The following GRM1 variants were observed in gnomAD, a reference collection of about 807,000 sequenced individuals.
GRM1 encodes metabotropic glutamate receptor 1.
In GRM1, 33 loss-of-function variants were observed where a neutral mutation model predicts 90.9. The observed-to-expected ratio is 0.36, with a 90% CI of 0.28 to 0.49. GRM1 has a LOEUF of 0.49. Among genes scored for constraint, GRM1 ranks in the 20% least tolerant of loss-of-function variants. The probability of loss-of-function intolerance (pLI) is 0.99; values close to 1 mark genes in which losing one functional copy is unlikely to be tolerated. For missense variants in GRM1, 1,190 were observed against 1,534.3 expected (o/e 0.78, Z 3.75); for synonymous variants, 700 against 613.2 (o/e 1.14, Z -2.09).
intron 1 of GRM1, among the ~76,000 whole-genome samples, chr6:146,126,472 T>C (rs1363168721): frequency 1.3e-5 from 2 of 152,160 alleles, no homozygotes; most frequent in Non-Finnish European, 2.9e-5. Flanking sequence ...ATTATTAATA[T>C]AATTGGTTCA....
intron 1 of GRM1, among the ~76,000 whole-genome samples, chr6:146,093,727 A>T (rs1254796954): frequency 6.6e-6 from 1 of 152,040 alleles, no homozygotes; most frequent in Admixed American, 6.6e-5. Context: ...TCAAACATGC[A>T]TATACAAATC....
At chr6:146,424,905 A>T (rs778891240) in intron 7 of GRM1, among the ~76,000 whole-genome samples, 1 of 152,194 alleles carries the variant, frequency 6.6e-6, no homozygotes, top group Non-Finnish European at 1.5e-5. Flanking sequence ...TTTATTCCTG[A>T]TCATCTCCTT....
intron 2 of GRM1, among the ~76,000 whole-genome samples, chr6:146,202,246 C>T (rs1158464767): frequency 1.3e-5 from 2 of 152,164 alleles, no homozygotes; most frequent in African/African-American, 2.4e-5. Context: ...ACAGTCAGAA[C>T]ATTTTTAGTA....
At chr6:146,290,778 C>T (rs1186060366) in intron 2 of GRM1, among the ~76,000 whole-genome samples, 1 of 152,170 alleles carries the variant, frequency 6.6e-6, no homozygotes, top group Non-Finnish European at 1.5e-5. Context: ...TCATGTTTCA[C>T]TCATACCTGC....
chr6:146,199,740 G>A (rs945430793), intron 2 of GRM1, among the ~76,000 whole-genome samples: 6 of 151,538 alleles, frequency 4.0e-5, no homozygotes, highest in African/African-American at 4.8e-5. Flanking sequence ...AACTCTCACC[G>A]GGTATGGTGG....
intron 2 of GRM1, among the ~76,000 whole-genome samples, chr6:146,242,074 G>A (rs1176590706): frequency 1.3e-5 from 2 of 152,122 alleles, no homozygotes; most frequent in Non-Finnish European, 1.5e-5. Context: ...AGCAGCATGT[G>A]TAAAGGCTCA....
intron 1 of GRM1, among the ~76,000 whole-genome samples, chr6:146,092,998 A>G (rs1776762043): frequency 6.6e-6 from 1 of 152,100 alleles, no homozygotes; most frequent in Non-Finnish European, 1.5e-5. Context: ...TGATTGGGGA[A>G]AGAACATGGG....
intron 6 of GRM1, among the ~76,000 whole-genome samples, chr6:146,390,180 A>G (rs1387660400): frequency 1.3e-5 from 2 of 152,078 alleles, no homozygotes; most frequent in African/African-American, 4.8e-5. Context: ...GTTGGTTAAA[A>G]TATACTTAAA....
At chr6:146,099,525 AT>A (rs1348880759) in intron 1 of GRM1, among the ~76,000 whole-genome samples, 3 of 152,234 alleles carry the variant, frequency 2.0e-5, no homozygotes, top group Non-Finnish European at 4.4e-5. Context: ...TTGCAGACTC[AT>A]TCCTTTCCTC....
chr6:146,345,569 T>C (rs1186319505), intron 3 of GRM1, among the ~76,000 whole-genome samples: 1 of 152,148 alleles, frequency 6.6e-6, no homozygotes, highest in Non-Finnish European at 1.5e-5. Flanking sequence ...AGCATGAAAA[T>C]AGAGATACTC....
chr6:146,434,233 G>C lies in GRM1; in HGVS notation c.3022G>C (p.Ala1008Pro). ...GACCCCCCTCTTCCTGGCCGAACCA[G>C]CCCTCCCCAAGGGCTTGCCCCCTCC... ...EETPLFLAEP[A>P]LPKGLPPPLQ... is the part of the protein sequence containing the mutation. Residue 1008 changes from alanine to proline, a missense_variant, in exon 8 of 8, where the codon GCC (alanine) becomes CCC (proline). Ala to Pro is a conservative substitution (Grantham distance 27). This residue lies in a region of GRM1 where 400 missense variants were observed against 360.8 expected (regional missense o/e 1.11). Coordinates refer to ENST00000282753, the MANE Select transcript of GRM1 (RefSeq NM_001278064.2). 1 of 1,605,500 alleles carries C rather than the reference G, an allele frequency of 6.2e-7. No individual in the cohort carries two copies. The highest frequency in any genetic ancestry group is 8.5e-7 in the Non-Finnish European group (1 of 1,174,480).
At chr6:146,315,949 T>A (rs570869057) in intron 3 of GRM1, among the ~76,000 whole-genome samples, 1 of 152,362 alleles carries the variant, frequency 6.6e-6, no homozygotes, top group African/African-American at 2.4e-5. Flanking sequence ...CCTGTCCAGA[T>A]TGGGTAATTC....
chr6:146,061,979 G>A (rs1775686471), intron 1 of GRM1, among the ~76,000 whole-genome samples: 1 of 152,080 alleles, frequency 6.6e-6, no homozygotes, highest in Non-Finnish European at 1.5e-5. Flanking sequence ...ATTTGACCCA[G>A]CAATCCCATT....
In GRM1 at chr6:146,261,592, T is replaced by C. The variant is rs73577133; in HGVS notation, c.951-43019T>C. Among the ~76,000 whole-genome samples, 1,300 of 152,290 alleles carry C rather than the reference T, an allele frequency of 8.5e-3. 20 individuals carry two copies. Among genetic ancestry groups the C allele is most frequent in the African/African-American group, 0.03 (1,232 of 41,564 alleles). On this transcript the variant is annotated intron_variant, in intron 2 of 7. Coordinates refer to ENST00000282753, the MANE Select transcript of GRM1 (RefSeq NM_001278064.2). ...TAACATTAATTTAATTGAGAACTAG[T>C]TGGCATCTGACAGGTACTTTCTCAC...
At chr6:146,044,663 C>T (rs151049911) in intron 1 of GRM1, among the ~76,000 whole-genome samples, 130 of 152,000 alleles carry the variant, frequency 8.6e-4, no homozygotes, top group African/African-American at 2.4e-3. Flanking sequence ...AAATTTGAAA[C>T]CATGAAAAGG....
chr6:146,409,061 A>C (rs551413254), intron 7 of GRM1, among the ~76,000 whole-genome samples: 2 of 152,302 alleles, frequency 1.3e-5, no homozygotes, highest in East Asian at 3.9e-4. Context: ...AGCTAGCCTA[A>C]GCAAATGGGG....
chr6:146,053,872 A>T (rs1188576953), intron 1 of GRM1, among the ~76,000 whole-genome samples: 2 of 152,176 alleles, frequency 1.3e-5, no homozygotes, highest in African/African-American at 2.4e-5. Flanking sequence ...AACTGAAGAG[A>T]TAAGGAGGTT....
chr6:146,406,316 T>A (rs1279640279), intron 7 of GRM1, among the ~76,000 whole-genome samples: 1 of 152,160 alleles, frequency 6.6e-6, no homozygotes, highest in Non-Finnish European at 1.5e-5. Flanking sequence ...GGTATTAACA[T>A]AGTATGAAAA....
At chr6:146,401,641 A>G (rs1461693327) in intron 7 of GRM1, among the ~76,000 whole-genome samples, 1 of 152,174 alleles carries the variant, frequency 6.6e-6, no homozygotes, top group Non-Finnish European at 1.5e-5. Flanking sequence ...CATGTTTCTA[A>G]TTACCTTGCC....
Sources: allele counts gnomAD v4.1 joint callset (sites outside exome capture counted in the v4.1 genomes callset), GRCh38; gene constraint gnomAD v4.1.1; regional missense constraint gnomAD v4.1.1; transcripts MANE v1.5; gene names NCBI Gene and HGNC (gene_info 2026-07-23, HGNC 2026-07-21).